Variants in STXBP5 observed in about 807,000 individuals in gnomAD.
STXBP5 encodes the protein syntaxin binding protein 5.
STXBP5 carries 50 observed loss-of-function variants against 152.4 expected under a neutral mutation model. The observed-to-expected ratio is 0.33, with a 90% confidence interval of 0.26 to 0.42. The LOEUF (loss-of-function observed/expected upper bound fraction) is 0.42. STXBP5 is among the 10% of genes least tolerant of loss of function. STXBP5 has a pLI of 1.00. For missense variants in STXBP5, 1,167 were observed against 1,388.6 expected (o/e 0.84, Z 2.54); for synonymous variants, 492 against 494.7 (o/e 0.99, Z 0.07).
intron 18 of STXBP5, among the ~76,000 whole-genome samples, chr6:147,330,587 C>G (rs950234500): frequency 6.6e-6 from 1 of 152,112 alleles, no homozygotes; most frequent in Non-Finnish European, 1.5e-5. Context: ...TTGCTATGTG[C>G]ATATAGAAAA....
At chr6:147,253,529 AC>A (rs1368305042) in intron 4 of STXBP5, among the ~76,000 whole-genome samples, 1 of 152,180 alleles carries the variant, frequency 6.6e-6, no homozygotes, top group Non-Finnish European at 1.5e-5. Context: ...TCTGTAGACG[AC>A]ATGATTCTAT....
intron 26 of STXBP5, among the ~76,000 whole-genome samples, chr6:147,375,112 A>G (rs964803739): frequency 2.0e-5 from 3 of 152,224 alleles, no homozygotes; most frequent in Non-Finnish European, 4.4e-5. Flanking sequence ...ATATGTAGTC[A>G]TAGATAACCA....
intron 4 of STXBP5, among the ~76,000 whole-genome samples, chr6:147,248,944 G>A (rs989592633): frequency 3.9e-5 from 6 of 152,150 alleles, no homozygotes; most frequent in African/African-American, 1.4e-4. Context: ...CTTCGAAGAT[G>A]GAGGGGGCCA....
chr6:147,335,749 C>T (rs929060675), intron 19 of STXBP5, among the ~76,000 whole-genome samples: 2 of 151,638 alleles, frequency 1.3e-5, no homozygotes, highest in Admixed American at 6.6e-5. Flanking sequence ...TGCAGTGAGC[C>T]GAGATCGCGC....
chr6:147,257,644 A>C (rs573946204), intron 4 of STXBP5, among the ~76,000 whole-genome samples: 10 of 152,336 alleles, frequency 6.6e-5, no homozygotes, highest in Admixed American at 5.2e-4. Context: ...GCAGTATTTC[A>C]GCTTCATGAA....
intron 2 of STXBP5, among the ~76,000 whole-genome samples, chr6:147,211,821 C>G (rs1039352840): frequency 3.9e-5 from 6 of 152,152 alleles, no homozygotes; most frequent in African/African-American, 1.4e-4. Flanking sequence ...GTTCAACCTC[C>G]CAAAACGCTG....
intron 8 of STXBP5, among the ~76,000 whole-genome samples, chr6:147,289,251 A>G (rs987539516): frequency 6.6e-6 from 1 of 152,124 alleles, no homozygotes; most frequent in African/African-American, 2.4e-5. Flanking sequence ...ATGCCTACCT[A>G]CCTATGATAT....
At chr6:147,349,952 A>C (rs973558107) in intron 21 of STXBP5, among the ~76,000 whole-genome samples, 1 of 152,212 alleles carries the variant, frequency 6.6e-6, no homozygotes, top group African/African-American at 2.4e-5. Flanking sequence ...ATTGCTTAAA[A>C]TTTTATCCAA....
At chr6:147,294,044 A>T (rs986633667) in intron 9 of STXBP5, among the ~76,000 whole-genome samples, 4 of 152,244 alleles carry the variant, frequency 2.6e-5, no homozygotes, top group Non-Finnish European at 4.4e-5. Context: ...TAAAACTTAG[A>T]TCTGGAGAAA....
At position 147,316,225 on chromosome 6, in the gene STXBP5, A is replaced by T; in HGVS notation, c.1624-4A>T. Reference sequence around the variant, plus strand: ...GTAAGTAAACTACCTTACTTTTACAACAGATGCTTGAAGTTCGATTATTAT... The same window carrying T: ...GTAAGTAAACTACCTTACTTTTACATCAGATGCTTGAAGTTCGATTATTAT... On this transcript the variant is annotated splice_polypyrimidine_tract_variant and splice_region_variant and intron_variant, in intron 15 of 27. Transcript: ENST00000321680. The T allele has an allele frequency of 6.2e-7, 1 of 1,613,654 alleles. No individual in the cohort carries two copies.
chr6:147,256,887 A>G (rs1425370941), intron 4 of STXBP5, among the ~76,000 whole-genome samples: 2 of 152,212 alleles, frequency 1.3e-5, no homozygotes, highest in South Asian at 2.1e-4. Context: ...GGTTAATCTA[A>G]TGGTTAATTT....
chr6:147,353,253 T>C, intron 21 of STXBP5, 70 bp from the exon 22 acceptor site: 1 of 982,090 alleles, frequency 1.0e-6, no homozygotes, highest in South Asian at 1.9e-5. Context: ...CACTTCTATC[T>C]TGAAAATCAG....
rs756990038 is a variant in STXBP5 at position 147,291,083 on chromosome 6, A to AT, written c.839-10dup. ...GAATTTTAGAATTTAATGCAGGAAAATATATTTTAGGAAAACAGTTAAAGG... is the reference window on the plus strand; with the variant it reads ...GAATTTTAGAATTTAATGCAGGAAAATTATATTTTAGGAAAACAGTTAAAGG... On this transcript the variant is annotated splice_polypyrimidine_tract_variant and intron_variant, in intron 8 of 27. Coordinates refer to ENST00000321680, the MANE Select transcript of STXBP5 (RefSeq NM_001127715.4). 6.2e-7 allele frequency: 1 copy of AT among 1,603,600 alleles called. No individual in the cohort carries two copies. The highest frequency in any genetic ancestry group is 8.5e-7 in the Non-Finnish European group (1 of 1,174,378).
intron 4 of STXBP5, among the ~76,000 whole-genome samples, chr6:147,252,368 T>C (rs144992661): frequency 0.023 from 3,421 of 151,928 alleles, 132 homozygotes; most frequent in African/African-American, 0.079. Context: ...GAATAACCAG[T>C]TTAGCGAAGA....
At chr6:147,345,407 TC>T (rs1191506715) in intron 21 of STXBP5, among the ~76,000 whole-genome samples, 1 of 152,202 alleles carries the variant, frequency 6.6e-6, no homozygotes, top group Non-Finnish European at 1.5e-5. Flanking sequence ...CCACTTTTCT[TC>T]TTGGATTCCT....
At chr6:147,351,148 A>G (rs1003938596) in intron 21 of STXBP5, among the ~76,000 whole-genome samples, 6 of 152,246 alleles carry the variant, frequency 3.9e-5, no homozygotes, top group Non-Finnish European at 8.8e-5. Context: ...AGTGTGGTCC[A>G]CAGACCAGCA....
chr6:147,307,238 G>A (rs1170883828), intron 9 of STXBP5, among the ~76,000 whole-genome samples: 2 of 152,064 alleles, frequency 1.3e-5, no homozygotes, highest in African/African-American at 4.8e-5. Context: ...TTTCTAACCT[G>A]GCTGTCTTCC....
intron 16 of STXBP5, among the ~76,000 whole-genome samples, chr6:147,321,910 A>G (rs1782955178): frequency 1.3e-5 from 2 of 152,184 alleles, no homozygotes; most frequent in African/African-American, 4.8e-5. Flanking sequence ...TTCTTGGCTT[A>G]GGTTTCTCAT....
Position 147,316,246 on chromosome 6 carries a change from A to G in STXBP5, c.1641A>G (p.Leu547=). Residue 547 remains leucine, a synonymous_variant, in exon 16 of 28, where the codon TTA becomes TTG. Coordinates refer to ENST00000321680, the MANE Select transcript of STXBP5 (RefSeq NM_001127715.4). ...TACAACAGATGCTTGAAGTTCGATT[A>G]TTATATGAGATAAATGATGTGGAAA... is the stretch of plus-strand genomic sequence containing the variant. The part of the protein sequence containing the change: ...TEVIPMLEVR[L]LYEINDVETP... 1 of 1,613,930 alleles carries G rather than the reference A, an allele frequency of 6.2e-7. No individual in the cohort carries two copies. Among genetic ancestry groups the G allele is most frequent in the South Asian group, 1.1e-5 (1 of 91,078 alleles).
Sources: allele counts gnomAD v4.1 joint callset (sites outside exome capture counted in the v4.1 genomes callset), GRCh38; gene constraint gnomAD v4.1.1; transcripts MANE v1.5; gene names NCBI Gene and HGNC (gene_info 2026-07-23, HGNC 2026-07-21).